The following CLSTN2 variants were observed in gnomAD, a reference collection of about 807,000 sequenced individuals.
CLSTN2 encodes the protein calsyntenin 2.
CLSTN2 carries 48 observed loss-of-function variants against 101.2 expected under a neutral mutation model. The ratio of observed to expected loss-of-function variants is 0.47; its 90% CI spans 0.38 to 0.60. The LOEUF (loss-of-function observed/expected upper bound fraction) is 0.60. Among genes scored for constraint, CLSTN2 ranks in the 20% least tolerant of loss-of-function variants. CLSTN2 has a pLI of 0.00. For missense variants in CLSTN2, 1,160 were observed against 1,238.2 expected (o/e 0.94, Z 0.95); for synonymous variants, 481 against 463.6 (o/e 1.04, Z -0.48).
At chr3:139,957,517 T>C (rs1935429712) in intron 1 of CLSTN2, among the ~76,000 whole-genome samples, 1 of 151,814 alleles carries the variant, frequency 6.6e-6, no homozygotes, top group Non-Finnish European at 1.5e-5. Flanking sequence ...CTGAGAAGCC[T>C]GATTGGTTTA....
intron 8 of CLSTN2, among the ~76,000 whole-genome samples, chr3:140,502,307 G>A (rs1934594471): frequency 2.0e-5 from 3 of 152,154 alleles, no homozygotes; most frequent in African/African-American, 7.2e-5. Context: ...ACAGGCTTGT[G>A]GGGCTGAGCA....
intron 1 of CLSTN2, among the ~76,000 whole-genome samples, chr3:139,951,106 C>T (rs150372257): frequency 1.5e-3 from 228 of 152,244 alleles, no homozygotes; most frequent in Middle Eastern, 0.01. Flanking sequence ...CACTTTAATG[C>T]CACTGGTACA....
chr3:140,105,122 T>C (rs985484362), intron 1 of CLSTN2, among the ~76,000 whole-genome samples: 22 of 152,266 alleles, frequency 1.4e-4, no homozygotes, highest in Admixed American at 9.8e-4. Flanking sequence ...AGGTAAGAAT[T>C]GTGAGAGAGC....
At chr3:140,431,184 ATTGAACCAGGTATAGGGAACCATTGTC>A (rs1275929600) in intron 5 of CLSTN2, among the ~76,000 whole-genome samples, 7 of 152,194 alleles carry the variant, frequency 4.6e-5, no homozygotes, top group Non-Finnish European at 8.8e-5. Context: ...CATTTCCTTG[ATTGAACCAGGTATAGGGAACCATTGTC>A]TTGAAGTTAT....
At chr3:140,246,964 A>G (rs531545239) in intron 2 of CLSTN2, among the ~76,000 whole-genome samples, 13 of 152,274 alleles carry the variant, frequency 8.5e-5, no homozygotes, top group African/African-American at 3.1e-4. Context: ...AGGATTCTGA[A>G]TCAGGATTCC....
intron 5 of CLSTN2, among the ~76,000 whole-genome samples, chr3:140,437,748 T>C (rs996288799): frequency 6.6e-6 from 1 of 152,266 alleles, no homozygotes; most frequent in African/African-American, 2.4e-5. Flanking sequence ...GCAATTGGAC[T>C]GCCATGATAT....
chr3:140,041,865 G>A (rs988304485), intron 1 of CLSTN2, among the ~76,000 whole-genome samples: 16 of 152,144 alleles, frequency 1.1e-4, no homozygotes, highest in Admixed American at 6.5e-4. Context: ...ATACAGACTG[G>A]GTGAGACAAA....
chr3:140,483,090 A>G (rs1934158223), intron 8 of CLSTN2, among the ~76,000 whole-genome samples: 1 of 151,664 alleles, frequency 6.6e-6, no homozygotes, highest in Admixed American at 6.6e-5. Context: ...AGTGCTATAA[A>G]TTTCCCTCTA....
rs754247162 is a variant in CLSTN2, at chr3:140,566,041, C to T, written c.2668-12C>T. Reference sequence around the variant, plus strand: ...CCCTGATGAGCATTTGCTTTTTCTCCTTGATATCCAGAAACATGAAGGACC... The same window carrying T: ...CCCTGATGAGCATTTGCTTTTTCTCTTTGATATCCAGAAACATGAAGGACC... On this transcript the variant is annotated splice_polypyrimidine_tract_variant and intron_variant, in intron 16 of 16. Transcript: ENST00000458420. 8.7e-6 allele frequency: 14 copies of T among 1,613,850 alleles called. No individual in the cohort carries two copies. The East Asian group carries it at 2.5e-4, about 28-fold the overall frequency.
rs912207366 is a variant in CLSTN2, at chr3:140,576,885, A to G, written c.*10632A>G. Reference sequence around the variant, plus strand: ...TACTATTGTGTATGAGTGTGAAACAATGCAGACTTTGGAGTATCTCATTAG... The same window carrying G: ...TACTATTGTGTATGAGTGTGAAACAGTGCAGACTTTGGAGTATCTCATTAG... On this transcript the variant is annotated 3_prime_UTR_variant, in exon 17 of 17. Coordinates refer to ENST00000458420, the MANE Select transcript of CLSTN2 (RefSeq NM_022131.3). 6.6e-6 allele frequency: 1 copy of G among 152,248 alleles called. No individual in the cohort carries two copies. Among genetic ancestry groups the G allele is most frequent in the African/African-American group, 2.4e-5 (1 of 41,464 alleles). 9.4% of individuals were successfully genotyped at this position (152,248 alleles called of 1,614,324 possible).
intron 2 of CLSTN2, among the ~76,000 whole-genome samples, chr3:140,253,133 G>A (rs1233150281): frequency 6.6e-6 from 1 of 152,178 alleles, no homozygotes; most frequent in Admixed American, 6.5e-5. Flanking sequence ...GACAGTGGGA[G>A]CCCTACCTAA....
intron 1 of CLSTN2, among the ~76,000 whole-genome samples, chr3:139,940,306 C>T (rs1314129661): frequency 6.6e-6 from 1 of 152,138 alleles, no homozygotes; most frequent in African/African-American, 2.4e-5. Context: ...GCCAGAAAAA[C>T]TTGAGTTCCA....
intron 1 of CLSTN2, among the ~76,000 whole-genome samples, chr3:140,077,627 A>G (rs976660244): frequency 2.0e-5 from 3 of 152,078 alleles, no homozygotes; most frequent in Admixed American, 6.5e-5. Context: ...AGGCTTGCCT[A>G]CAAAACCCCA....
At chr3:140,531,750 G>A (rs1358482658) in intron 8 of CLSTN2, among the ~76,000 whole-genome samples, 2 of 152,146 alleles carry the variant, frequency 1.3e-5, no homozygotes, top group Non-Finnish European at 2.9e-5. Context: ...TTCCCTTGAG[G>A]TTAAGAATTG....
At chr3:140,528,124 G>A (rs1194605639) in intron 8 of CLSTN2, among the ~76,000 whole-genome samples, 1 of 152,020 alleles carries the variant, frequency 6.6e-6, no homozygotes, top group African/African-American at 2.4e-5. Flanking sequence ...TTCTAATAGT[G>A]CCTAAGACAG....
At chr3:140,540,754 T>C (rs551416430) in intron 9 of CLSTN2, among the ~76,000 whole-genome samples, 1 of 152,300 alleles carries the variant, frequency 6.6e-6, no homozygotes, top group African/African-American at 2.4e-5. Context: ...AGACTTAGTA[T>C]GTTCACACTA....
At chr3:140,086,317 AGGCTGT>A (rs2008680197) in intron 1 of CLSTN2, among the ~76,000 whole-genome samples, 2 of 152,240 alleles carry the variant, frequency 1.3e-5, no homozygotes, top group African/African-American at 4.8e-5. Flanking sequence ...TGCATAGAAC[AGGCTGT>A]GGAGCTGGAC....
chr3:140,204,044 A>G (rs529926581), intron 2 of CLSTN2, among the ~76,000 whole-genome samples: 2 of 152,310 alleles, frequency 1.3e-5, no homozygotes, highest in South Asian at 4.2e-4. Flanking sequence ...TCAAAGAAAA[A>G]GTATCTTTTG....
At chr3:140,071,570 G>A (rs1213925561) in intron 1 of CLSTN2, among the ~76,000 whole-genome samples, 2 of 152,192 alleles carry the variant, frequency 1.3e-5, no homozygotes, top group East Asian at 3.9e-4. Context: ...AGTGGCTCAC[G>A]CCTGTAATCC....
Sources: gnomAD v4.1 joint callset for allele counts (sites outside exome capture counted in the v4.1 genomes callset) on GRCh38, gnomAD v4.1.1 for gene constraint, MANE v1.5 for transcripts, NCBI Gene and HGNC (gene_info 2026-07-23, HGNC 2026-07-21) for gene names.